Variants in ZDHHC21 observed in about 807,000 individuals in gnomAD.
The protein encoded by ZDHHC21 is zDHHC palmitoyltransferase 21.
Under a neutral mutation model 34.6 loss-of-function variants are expected in ZDHHC21, and 15 were observed. The observed-to-expected ratio is 0.43, with a 90% confidence interval of 0.29 to 0.67. ZDHHC21 has a LOEUF of 0.67. ZDHHC21 is among the 30% of genes least tolerant of loss of function. The pLI, the probability that ZDHHC21 is intolerant of heterozygous loss-of-function variation, is 0.14. For missense variants in ZDHHC21, 344 were observed against 327.7 expected (o/e 1.05, Z -0.38); for synonymous variants, 142 against 101.8 (o/e 1.40, Z -2.38).
At chr9:14,591,691 G>A in the ZDHHC21 span, among the ~76,000 whole-genome samples, 2 of 151,908 alleles carry the variant, frequency 1.3e-5, no homozygotes, top group Admixed American at 1.3e-4. Flanking sequence ...AGTAATCATC[G>A]TATTGTCCAT....
intron 1 of ZDHHC21, 138 bp downstream of exon 1, chr9:14,693,091 G>C (rs914981283): frequency 4.9e-6 from 1 of 202,698 alleles, no homozygotes. Flanking sequence ...GGGCGTGCAG[G>C]AACAGGTGAG....
intron 9 of ZDHHC21, 38 bp downstream of exon 9, chr9:14,619,601 A>G (rs368151913): frequency 7.4e-6 from 10 of 1,349,462 alleles, no homozygotes; most frequent in Admixed American, 2.2e-5. Flanking sequence ...GTTCTTTCCA[A>G]TTTTAAATAA....
At position 14,620,641 on chromosome 9, in the gene ZDHHC21, T is replaced by C. The variant is rs200902327; in HGVS notation, c.622-959A>G. Among the ~76,000 whole-genome samples, 7 of 152,116 alleles carry C rather than the reference T, an allele frequency of 4.6e-5. No homozygotes were observed. In the East Asian group the frequency reaches 1.2e-3, roughly 25 times the overall value. The stretch of plus-strand genomic sequence containing the variant: ...CAAGAACTTATTTGGCTGCAAAACT[T>C]TTCCAATGATGCTAATAAACAGCAC... On this transcript the variant is annotated intron_variant, in intron 8 of 9. Coordinates refer to ENST00000380916, the MANE Select transcript of ZDHHC21 (RefSeq NM_178566.6).
At chr9:14,654,961 A>G (rs1457805432) in intron 7 of ZDHHC21, among the ~76,000 whole-genome samples, 3 of 152,028 alleles carry the variant, frequency 2.0e-5, no homozygotes, top group Admixed American at 6.6e-5. Context: ...AAAGGCCAAG[A>G]AATTTCCACA....
chr9:14,651,918 T>C lies in ZDHHC21; in HGVS notation c.504+6831A>G, dbSNP rs1831302743. Among the ~76,000 whole-genome samples the C allele has an allele frequency of 2.0e-5, 3 of 151,904 alleles. No individual in the cohort carries two copies. The South Asian group carries it at 6.2e-4, about 31-fold the overall frequency. On this transcript the variant is annotated intron_variant, in intron 7 of 9. Coordinates refer to ENST00000380916, the MANE Select transcript of ZDHHC21 (RefSeq NM_178566.6). Reference sequence around the variant, plus strand: ...ACTTAAATGCCAAATCATTACCCAATCTACAGGTTTTAGAACCTAGACAAT... The same window carrying C: ...ACTTAAATGCCAAATCATTACCCAACCTACAGGTTTTAGAACCTAGACAAT...
chr9:14,659,358 G>C (rs1396155119), intron 6 of ZDHHC21, among the ~76,000 whole-genome samples: 3 of 152,132 alleles, frequency 2.0e-5, no homozygotes, highest in South Asian at 2.1e-4. Flanking sequence ...TGACATAACT[G>C]CTAAGCATTC....
intron 7 of ZDHHC21, among the ~76,000 whole-genome samples, chr9:14,644,769 T>A (rs1292488939): frequency 6.6e-6 from 1 of 151,396 alleles, no homozygotes; most frequent in African/African-American, 2.4e-5. Context: ...CCACATTACA[T>A]ACTATATACA....
intron 8 of ZDHHC21, among the ~76,000 whole-genome samples, chr9:14,624,764 C>A (rs62532729): frequency 6.6e-6 from 1 of 151,924 alleles, no homozygotes. Context: ...CAACAAAGTA[C>A]TGTACATCTC....
intron 2 of ZDHHC21, among the ~76,000 whole-genome samples, chr9:14,686,793 G>C (rs1360790589): frequency 6.8e-6 from 1 of 146,940 alleles, no homozygotes; most frequent in South Asian, 2.1e-4. Flanking sequence ...GCAAACATGG[G>C]AAAACCCTGT....
At chr9:14,628,089 G>C (rs916239505) in intron 8 of ZDHHC21, among the ~76,000 whole-genome samples, 1 of 152,128 alleles carries the variant, frequency 6.6e-6, no homozygotes, top group Non-Finnish European at 1.5e-5. Context: ...TTTAAATCCT[G>C]TTTAAAATTA....
At chr9:14,667,382 C>A (rs1834652297) in intron 5 of ZDHHC21, among the ~76,000 whole-genome samples, 2 of 151,976 alleles carry the variant, frequency 1.3e-5, no homozygotes, top group African/African-American at 4.8e-5. Flanking sequence ...AAAAAGAGTC[C>A]AGGACCAGAT....
At position 14,618,345 on chromosome 9, in the gene ZDHHC21, C is replaced by A. The variant is rs1179046163; in HGVS notation, c.*621G>T. ...TAGTTGGTGTTTTACTTCAGTGGTA[C>A]TTTCATGTTGGTTTTGGTGAAGAAA... On this transcript the variant is annotated 3_prime_UTR_variant, in exon 10 of 10. Transcript: ENST00000380916. 1 of 152,424 alleles carries A rather than the reference C, an allele frequency of 6.6e-6. No homozygotes were observed. The highest frequency in any genetic ancestry group is 1.5e-5 in the Non-Finnish European group (1 of 67,982). The allele number at this position is 152,424 out of a possible 1,614,324, so 9.4% of individuals were successfully genotyped here. A position where few individuals can be genotyped will look rare whatever the true frequency, so the allele number is the denominator to read the frequency against.
intron 8 of ZDHHC21, among the ~76,000 whole-genome samples, chr9:14,636,358 T>C (rs1011672450): frequency 6.6e-6 from 1 of 152,180 alleles, no homozygotes. Context: ...AGTAAGAAGA[T>C]ATAACAACTC....
In ZDHHC21 at chr9:14,679,822, C is replaced by A. The variant is rs528799632; in HGVS notation, c.-46+211G>T. Among the ~76,000 whole-genome samples the A allele has an allele frequency of 3.1e-3, 467 of 152,068 alleles. 2 individuals are homozygous for A. Among genetic ancestry groups the A allele is most frequent in the Non-Finnish European group, 4.6e-3 (311 of 67,946 alleles). On this transcript the variant is annotated intron_variant, in intron 3 of 9. Coordinates refer to ENST00000380916, the MANE Select transcript of ZDHHC21 (RefSeq NM_178566.6). Reference sequence around the variant, plus strand: ...ACGATTCAGAAAGATGTTTCTGAAACTCATATTATTTACAGATTATTTTTC... The same window carrying A: ...ACGATTCAGAAAGATGTTTCTGAAAATCATATTATTTACAGATTATTTTTC...
At chr9:14,606,283 G>T (rs12337747), downstream of ZDHHC21, among the ~76,000 whole-genome samples, 7,804 of 152,234 alleles carry the variant, frequency 0.051, 262 homozygotes, top group Non-Finnish European at 0.078. Context: ...CTACAGGTTT[G>T]TGACTTCTGA....
rs527476110 is a variant in ZDHHC21, at chr9:14,614,238, G to T, written c.*4728C>A. 2.0e-5 allele frequency: 3 copies of T among 151,500 alleles called. No individual in the cohort carries two copies. Among genetic ancestry groups the T allele is most frequent in the South Asian group, 4.1e-4 (2 of 4,822 alleles). The allele number at this position is 151,500 out of a possible 1,614,324, so 9.4% of individuals were successfully genotyped here. The stretch of plus-strand genomic sequence containing the variant: ...TGTACCTATTCTCTAGGGTGGACAA[G>T]GCAAAAAGAACATAATAATAGTAAA... On this transcript the variant is annotated 3_prime_UTR_variant, in exon 10 of 10. Transcript: ENST00000380916.
Position 14,682,248 on chromosome 9 carries a change from A to T in ZDHHC21, c.-175-2086T>A, listed in dbSNP as rs1481912504. On this transcript the variant is annotated intron_variant, in intron 2 of 9. Coordinates refer to ENST00000380916, the MANE Select transcript of ZDHHC21 (RefSeq NM_178566.6). ...CCAATTAAAAGACACAGACTGGCAA[A>T]TTGGATAAAGAGTCAAGACCCATCA... Among the ~76,000 whole-genome samples, 6 of 152,214 alleles carry T rather than the reference A, an allele frequency of 3.9e-5. No individual in the cohort carries two copies. The East Asian group carries it at 1.2e-3, about 29-fold the overall frequency.
At chr9:14,631,027 C>G (rs115854677) in intron 8 of ZDHHC21, among the ~76,000 whole-genome samples, 1,673 of 152,232 alleles carry the variant, frequency 0.011, 29 homozygotes, top group African/African-American at 0.037. Context: ...TGCATTTAAC[C>G]GTAACAAGAG....
the ZDHHC21 span, chr9:14,594,005 A>G: frequency 6.6e-6 from 1 of 152,264 alleles, no homozygotes; most frequent in African/African-American, 2.4e-5. Flanking sequence ...TGGTCACCTC[A>G]GCACAGTAAT....
Sources: gnomAD v4.1 joint callset for allele counts (sites outside exome capture counted in the v4.1 genomes callset) on GRCh38, gnomAD v4.1.1 for gene constraint, MANE v1.5 for transcripts, NCBI Gene and HGNC (gene_info 2026-07-23, HGNC 2026-07-21) for gene names.